KMT2C: variants seen among roughly 807,000 people sequenced by gnomAD.
KMT2C encodes histone-lysine N-methyltransferase 2C.
A neutral mutation model predicts 507.9 loss-of-function variants in KMT2C; 88 were observed. The observed-to-expected ratio is 0.17, with a 90% CI of 0.15 to 0.21. The LOEUF is 0.21. Ranked by LOEUF, KMT2C falls within the 10% of genes least tolerant of loss-of-function variation. The pLI, the probability that KMT2C is intolerant of heterozygous loss-of-function variation, is 1.00. For synonymous variants in KMT2C, 2,049 were observed against 2,080.8 expected (o/e 0.98, Z 0.42); for missense variants, 4,954 against 5,957.8 (o/e 0.83, Z 5.55).
chr7:152,304,619 G>C (rs2096599070), intron 6 of KMT2C, among the ~76,000 whole-genome samples: 1 of 152,108 alleles, frequency 6.6e-6, no homozygotes. Flanking sequence ...ATCTTGAAGG[G>C]GCAGGTTAAG....
At chr7:152,324,764 A>G (rs191723353) in intron 3 of KMT2C, among the ~76,000 whole-genome samples, 33 of 152,166 alleles carry the variant, frequency 2.2e-4, no homozygotes, top group Admixed American at 2.1e-3. Context: ...AAGAAAACTG[A>G]AAGATGCCTC....
At chr7:152,301,801 A>G (rs2096571427) in intron 6 of KMT2C, among the ~76,000 whole-genome samples, 1 of 152,244 alleles carries the variant, frequency 6.6e-6, no homozygotes, top group South Asian at 2.1e-4. Context: ...AACAGTATTA[A>G]ATAACATTAT....
chr7:152,426,954 T>C (rs1285285436), intron 1 of KMT2C, among the ~76,000 whole-genome samples: 2 of 152,210 alleles, frequency 1.3e-5, no homozygotes, highest in East Asian at 1.9e-4. Context: ...TTAAGCTTTT[T>C]TCTTTTTTTA....
chr7:152,191,918 T>C (rs2093806422), intron 31 of KMT2C, among the ~76,000 whole-genome samples: 1 of 152,192 alleles, frequency 6.6e-6, no homozygotes, highest in South Asian at 2.1e-4. Flanking sequence ...TGTACTTGAA[T>C]TATACTGTAC....
chr7:152,322,047 G>A (rs2096777369), intron 3 of KMT2C, among the ~76,000 whole-genome samples: 1 of 150,948 alleles, frequency 6.6e-6, no homozygotes, highest in East Asian at 1.9e-4. Flanking sequence ...AAAATAGTAT[G>A]GTACTGGCAC....
intron 23 of KMT2C, among the ~76,000 whole-genome samples, chr7:152,208,002 C>A (rs2094353745): frequency 6.6e-6 from 1 of 152,162 alleles, no homozygotes. Context: ...CTCTCTACTA[C>A]CATCTTAGTC....
chr7:152,291,230 T>G (rs1185697383), intron 6 of KMT2C, among the ~76,000 whole-genome samples: 3 of 152,172 alleles, frequency 2.0e-5, no homozygotes, highest in Non-Finnish European at 2.9e-5. Context: ...GCAATAAAAC[T>G]TTACCACTGC....
intron 1 of KMT2C, among the ~76,000 whole-genome samples, chr7:152,434,907 C>G (rs180691858): frequency 2.0e-5 from 3 of 152,220 alleles, no homozygotes; most frequent in Admixed American, 1.3e-4. Flanking sequence ...TTCTGCCTTA[C>G]GAGGGGACGC....
intron 6 of KMT2C, among the ~76,000 whole-genome samples, chr7:152,296,737 G>A (rs918363084): frequency 1.3e-5 from 2 of 151,928 alleles, no homozygotes; most frequent in African/African-American, 2.4e-5. Flanking sequence ...ATTTTCTATT[G>A]TGAAATAATA....
chr7:152,426,852 G>A (rs1361352963), intron 1 of KMT2C, among the ~76,000 whole-genome samples: 1 of 152,178 alleles, frequency 6.6e-6, no homozygotes, highest in Non-Finnish European at 1.5e-5. Flanking sequence ...GTACAACCTA[G>A]ACTTGAATCC....
intron 43 of KMT2C, among the ~76,000 whole-genome samples, chr7:152,159,786 A>G (rs1030624146): frequency 6.6e-6 from 1 of 152,228 alleles, no homozygotes; most frequent in Non-Finnish European, 1.5e-5. Flanking sequence ...AAAACACAGG[A>G]ATATTTTCAG....
chr7:152,139,879 AT>A, intron 55 of KMT2C, 88 bp from the exon 56 acceptor site: 1 of 813,462 alleles, frequency 1.2e-6, no homozygotes, highest in Non-Finnish European at 2.0e-6. Context: ...CTCGGGTCTT[AT>A]TAGAAGCCAT....
intron 7 of KMT2C, among the ~76,000 whole-genome samples, chr7:152,271,745 A>T (rs1348216432): frequency 1.3e-5 from 2 of 151,532 alleles, no homozygotes; most frequent in Non-Finnish European, 1.5e-5. Context: ...TACACCACCG[A>T]CTTAGTTTGA....
chr7:152,424,701 C>G (rs1254254252), intron 1 of KMT2C, among the ~76,000 whole-genome samples: 1 of 152,146 alleles, frequency 6.6e-6, no homozygotes, highest in Non-Finnish European at 1.5e-5. Flanking sequence ...TGGGACTGCA[C>G]AGTCATAAGC....
At chr7:152,168,119 C>T (rs1166012044) in intron 41 of KMT2C, among the ~76,000 whole-genome samples, 1 of 151,796 alleles carries the variant, frequency 6.6e-6, no homozygotes, top group Non-Finnish European at 1.5e-5. Context: ...TTTAAGGGCA[C>T]TTTACTTCAT....
At chr7:152,435,595 TC>T in intron 1 of KMT2C, 30 bp downstream of exon 1, 1 of 1,379,040 alleles carries the variant, frequency 7.3e-7, no homozygotes, top group Non-Finnish European at 9.6e-7. Context: ...CGCCGCTGGC[TC>T]CCGGCCTGGC....
intron 6 of KMT2C, among the ~76,000 whole-genome samples, chr7:152,308,181 T>C (rs1003575928): frequency 1.3e-5 from 2 of 152,188 alleles, no homozygotes; most frequent in African/African-American, 4.8e-5. Context: ...TCTATGTAAA[T>C]CAGTTCATTT....
intron 37 of KMT2C, among the ~76,000 whole-genome samples, chr7:152,179,237 C>A (rs1424404092): frequency 6.6e-6 from 1 of 152,180 alleles, no homozygotes; most frequent in Non-Finnish European, 1.5e-5. Flanking sequence ...CTCAAGTGAT[C>A]CGCCCACCTC....
intron 2 of KMT2C, among the ~76,000 whole-genome samples, chr7:152,333,924 G>A (rs1048364902): frequency 3.9e-5 from 6 of 151,908 alleles, no homozygotes; most frequent in African/African-American, 7.3e-5. Context: ...TGTCTATCCC[G>A]AGACAAAATT....
Sources: gnomAD v4.1 joint callset for allele counts (sites outside exome capture counted in the v4.1 genomes callset) on GRCh38, gnomAD v4.1.1 for gene constraint, MANE v1.5 for transcripts, NCBI Gene and HGNC (gene_info 2026-07-23, HGNC 2026-07-21) for gene names.